WDFY4: variants seen among roughly 807,000 people sequenced by gnomAD.
WDFY4 encodes the protein WD repeat- and FYVE domain-containing protein 4.
A neutral mutation model predicts 351.9 loss-of-function variants in WDFY4; 169 were observed. The ratio of observed to expected loss-of-function variants is 0.48; its 90% confidence interval spans 0.42 to 0.55. The LOEUF (loss-of-function observed/expected upper bound fraction) is 0.55, where lower values mean the gene tolerates loss of function less well. Ranked by LOEUF, WDFY4 falls within the 20% of genes least tolerant of loss-of-function variation. The pLI is 0.00. For missense variants in WDFY4, 3,803 were observed against 3,935.6 expected, an observed-to-expected ratio of 0.97 and a Z score of 0.90; for synonymous variants, 1,622 against 1,574.6, an observed-to-expected ratio of 1.03 and a Z score of -0.71.
At chr10:48,885,807 T>C (rs1026680018) in intron 43 of WDFY4, among the ~76,000 whole-genome samples, 2 of 152,224 alleles carry the variant, frequency 1.3e-5, no homozygotes, top group Non-Finnish European at 2.9e-5. Context: ...TTAACATACA[T>C]TCCTTTGATT....
intron 49 of WDFY4, 42 bp from the exon 50 acceptor site, chr10:48,945,998 C>G: frequency 7.4e-7 from 1 of 1,348,174 alleles, no homozygotes; most frequent in Non-Finnish European, 1.0e-6. Flanking sequence ...AGGGCACAAG[C>G]GGGTCTGGGG....
intron 1 of WDFY4, among the ~76,000 whole-genome samples, chr10:48,703,320 A>C (rs1185798488): frequency 6.6e-6 from 1 of 152,214 alleles, no homozygotes; most frequent in East Asian, 1.9e-4. Flanking sequence ...ACGGCCATGC[A>C]TGCGAAGCCA....
intron 47 of WDFY4, among the ~76,000 whole-genome samples, chr10:48,936,440 T>C (rs1840364567): frequency 6.6e-6 from 1 of 152,030 alleles, no homozygotes; most frequent in Non-Finnish European, 1.5e-5. Flanking sequence ...AATTAAATAA[T>C]ATAAAAATCA....
chr10:48,821,582 G>T (rs1291339497), intron 34 of WDFY4, among the ~76,000 whole-genome samples: 1 of 152,220 alleles, frequency 6.6e-6, no homozygotes, highest in African/African-American at 2.4e-5. Flanking sequence ...CCTGGATGAA[G>T]ATGCTGCCAT....
Position 48,958,158 on chromosome 10 carries a change from G to A in WDFY4, c.8131+876G>A, listed in dbSNP as rs548822256. On this transcript the variant is annotated intron_variant, in intron 52 of 61. Coordinates refer to ENST00000325239, the MANE Select transcript of WDFY4 (RefSeq NM_001394531.1). ...GGTACAGCAGAGGAGATTAGTCCCT[G>A]CAAAACCTTGTGCAGGGGTTTTCAG... Among the ~76,000 whole-genome samples the A allele has an allele frequency of 7.2e-5, 11 of 152,314 alleles. No homozygotes were observed. In the South Asian group the frequency reaches 1.0e-3, roughly 14 times the overall value.
chr10:48,815,998 A>G (rs2067608782), intron 31 of WDFY4, among the ~76,000 whole-genome samples: 1 of 152,290 alleles, frequency 6.6e-6, no homozygotes, highest in Admixed American at 6.5e-5. Context: ...TAAATCCATG[A>G]TTTTTATATT....
At chr10:48,872,991 A>T (rs1037371307) in intron 40 of WDFY4, among the ~76,000 whole-genome samples, 7 of 152,326 alleles carry the variant, frequency 4.6e-5, no homozygotes, top group Admixed American at 2.6e-4. Context: ...TGCTCAAATC[A>T]ATCAGTTGTC....
chr10:48,982,420 A>C, intron 61 of WDFY4, 89 bp from the exon 62 acceptor site: 15 of 1,180,350 alleles, frequency 1.3e-5, no homozygotes, highest in Non-Finnish European at 1.7e-5. Context: ...GGCCCCAGAT[A>C]GAGCCCCAGA....
At chr10:48,698,060 G>A (rs973745862) in intron 1 of WDFY4, among the ~76,000 whole-genome samples, 1 of 152,136 alleles carries the variant, frequency 6.6e-6, no homozygotes, top group South Asian at 2.1e-4. Context: ...GAGGGGATGC[G>A]TTGTCCATTA....
At chr10:48,930,688 T>TA (rs778704439) in intron 47 of WDFY4, among the ~76,000 whole-genome samples, 6 of 151,324 alleles carry the variant, frequency 4.0e-5, no homozygotes, top group South Asian at 2.1e-4. Flanking sequence ...TTTAAAATAG[T>TA]AAAAAAAAAT....
chr10:48,836,697 C>T (rs2068407367), intron 39 of WDFY4, among the ~76,000 whole-genome samples: 1 of 152,192 alleles, frequency 6.6e-6, no homozygotes, highest in Non-Finnish European at 1.5e-5. Context: ...CCCCCTGACC[C>T]CATCACAGTC....
At chr10:48,874,470 G>A (rs920154565) in intron 41 of WDFY4, among the ~76,000 whole-genome samples, 2 of 152,106 alleles carry the variant, frequency 1.3e-5, no homozygotes, top group Admixed American at 1.3e-4. Context: ...ACAATGTTGA[G>A]TTTATTCTCT....
intron 28 of WDFY4, among the ~76,000 whole-genome samples, chr10:48,809,529 G>A (rs1321593386): frequency 7.4e-6 from 1 of 134,404 alleles, no homozygotes; most frequent in Admixed American, 7.3e-5. Context: ...ATCACCACCA[G>A]CATCACCATC....
At chr10:48,941,775 T>G in intron 47 of WDFY4, 31 bp from the exon 48 acceptor site, 1 of 1,551,232 alleles carries the variant, frequency 6.4e-7, no homozygotes, top group Non-Finnish European at 8.7e-7. Context: ...CTTGGTATAT[T>G]TAGTCACCAC....
intron 13 of WDFY4, among the ~76,000 whole-genome samples, chr10:48,770,398 C>G (rs1344237643): frequency 6.6e-6 from 1 of 152,192 alleles, no homozygotes; most frequent in Non-Finnish European, 1.5e-5. Context: ...GTAATAAAAA[C>G]TGGAAATCAT....
chr10:48,823,056 CTG>C, intron 35 of WDFY4: 1 of 1,081,436 alleles, frequency 9.2e-7, no homozygotes, highest in Non-Finnish European at 1.2e-6. Context: ...ACATACCTAC[CTG>C]TACAAATGCA....
intron 12 of WDFY4, among the ~76,000 whole-genome samples, chr10:48,748,450 C>A (rs889832283): frequency 6.6e-6 from 1 of 152,116 alleles, no homozygotes; most frequent in Non-Finnish European, 1.5e-5. Context: ...TCTGTGCGTG[C>A]GTGTATGTGC....
chr10:48,834,255 T>C (rs1268041805), intron 39 of WDFY4, among the ~76,000 whole-genome samples: 6 of 151,746 alleles, frequency 4.0e-5, no homozygotes, highest in Non-Finnish European at 8.8e-5. Flanking sequence ...GTTATAAAAA[T>C]GTGGAAGCTG....
chr10:48,921,871 A>G (rs1466633534), intron 47 of WDFY4, among the ~76,000 whole-genome samples: 2 of 152,194 alleles, frequency 1.3e-5, no homozygotes, highest in Admixed American at 6.5e-5. Context: ...GCTGATGGGA[A>G]TGCAAAATGG....
Sources: gnomAD v4.1 joint callset for allele counts (sites outside exome capture counted in the v4.1 genomes callset) on GRCh38, gnomAD v4.1.1 for gene constraint, MANE v1.5 for transcripts, NCBI Gene and HGNC (gene_info 2026-07-23, HGNC 2026-07-21) for gene names.